PCDHA12: variants seen among roughly 807,000 people sequenced by gnomAD.
PCDHA12 encodes protocadherin alpha-12.
Under a neutral mutation model 60.0 loss-of-function variants are expected in PCDHA12, and 44 were observed. The observed-to-expected ratio is 0.73, with a 90% CI of 0.58 to 0.94. The LOEUF is 0.94. PCDHA12 is among the 40% of genes least tolerant of loss of function. The pLI is 0.00. For synonymous variants in PCDHA12, 569 were observed against 553.0 expected (o/e 1.03, Z -0.40); for missense variants, 1,276 against 1,239.7 (o/e 1.03, Z -0.44).
chr5:140,968,639 G>C (rs1278507600), intron 1 of PCDHA12: 1 of 1,614,032 alleles, frequency 6.2e-7, no homozygotes, highest in Non-Finnish European at 8.5e-7. Flanking sequence ...TTACCATCTA[G>C]CCCAGACTTC....
chr5:140,927,529 C>G, intron 1 of PCDHA12: 2 of 1,614,098 alleles, frequency 1.2e-6, no homozygotes, highest in South Asian at 1.1e-5. Flanking sequence ...GCTACCTGCC[C>G]GCTCAGGAGA....
At chr5:140,919,498 C>A (rs1433099544) in intron 1 of PCDHA12, among the ~76,000 whole-genome samples, 1 of 152,022 alleles carries the variant, frequency 6.6e-6, no homozygotes, top group Non-Finnish European at 1.5e-5. Context: ...TTATTTTACT[C>A]CTTTTTCTAT....
At chr5:140,885,427 G>A (rs1276398573) in intron 1 of PCDHA12, among the ~76,000 whole-genome samples, 1 of 152,092 alleles carries the variant, frequency 6.6e-6, no homozygotes, top group Admixed American at 6.5e-5. Flanking sequence ...ATTCCACAGT[G>A]TAAGTGTGCA....
At chr5:140,927,630 A>C in intron 1 of PCDHA12, 1 of 1,614,182 alleles carries the variant, frequency 6.2e-7, no homozygotes, top group Non-Finnish European at 8.5e-7. Context: ...CAGAGACTGC[A>C]CCCAATGGGA....
At chr5:140,926,789 G>C in intron 1 of PCDHA12, 1 of 1,432,318 alleles carries the variant, frequency 7.0e-7, no homozygotes, top group Non-Finnish European at 9.1e-7. Context: ...CGGCCGGCAG[G>C]AGCGTGCTCT....
At chr5:140,979,243 C>T (rs1554240401) in intron 2 of PCDHA12, among the ~76,000 whole-genome samples, 1 of 152,178 alleles carries the variant, frequency 6.6e-6, no homozygotes, top group Non-Finnish European at 1.5e-5. Context: ...CAGAAACAGG[C>T]TGCTATGTAT....
At chr5:140,892,504 G>A (rs2063551551) in intron 1 of PCDHA12, among the ~76,000 whole-genome samples, 1 of 152,176 alleles carries the variant, frequency 6.6e-6, no homozygotes, top group Non-Finnish European at 1.5e-5. Context: ...TGTTTAAGAA[G>A]TTCCACCATG....
chr5:140,966,410 A>G lies in PCDHA12; in HGVS notation c.2368-12539A>G, dbSNP rs530944149. The G allele has an allele frequency of 1.9e-3, 807 of 419,248 alleles. 2 individuals carry two copies. Among genetic ancestry groups the G allele is most frequent in the South Asian group, 7.3e-3 (70 of 9,536 alleles). The allele number at this position is 419,248 out of a possible 1,614,324, so 26.0% of individuals were successfully genotyped here. The stretch of plus-strand genomic sequence containing the variant: ...GTCCGCCACTTCGGCGCGGAATCAG[A>G]GCAGGACTTGCTGAGCCCTCCTACC... On this transcript the variant is annotated intron_variant, in intron 1 of 3. Coordinates refer to ENST00000398631, the MANE Select transcript of PCDHA12 (RefSeq NM_018903.4).
At chr5:140,976,566 A>C (rs2096723160) in intron 1 of PCDHA12, among the ~76,000 whole-genome samples, 2 of 152,098 alleles carry the variant, frequency 1.3e-5, no homozygotes, top group African/African-American at 4.8e-5. Flanking sequence ...TAAATAAATA[A>C]ATATAAATAA....
intron 1 of PCDHA12, chr5:140,967,137 T>C: frequency 1.2e-6 from 2 of 1,611,728 alleles, no homozygotes; most frequent in Non-Finnish European, 1.7e-6. Context: ...TTGGAAGTGC[T>C]GGCGCACAAC....
intron 1 of PCDHA12, among the ~76,000 whole-genome samples, chr5:140,903,665 G>A (rs2070490056): frequency 6.6e-6 from 1 of 152,156 alleles, no homozygotes; most frequent in African/African-American, 2.4e-5. Context: ...AAATTTAACT[G>A]ATATAAAAGA....
At chr5:140,996,791 A>G (rs2153942087) in intron 3 of PCDHA12, among the ~76,000 whole-genome samples, 1 of 152,316 alleles carries the variant, frequency 6.6e-6, no homozygotes, top group Non-Finnish European at 1.5e-5. Context: ...CTCACTCCCT[A>G]CATCCAATCA....
At chr5:140,917,374 C>T (rs1378508006) in intron 1 of PCDHA12, among the ~76,000 whole-genome samples, 1 of 151,778 alleles carries the variant, frequency 6.6e-6, no homozygotes, top group East Asian at 1.9e-4. Flanking sequence ...CTTGCTCCAC[C>T]TCAATAGTCT....
chr5:140,956,774 C>A (rs1232431991), intron 1 of PCDHA12, among the ~76,000 whole-genome samples: 2 of 152,070 alleles, frequency 1.3e-5, no homozygotes, highest in Non-Finnish European at 2.9e-5. Flanking sequence ...TCTGTCTGGT[C>A]CTGGGCTTTG....
At chr5:140,883,329 C>T (rs1554177701) in intron 1 of PCDHA12, 1 of 1,614,166 alleles carries the variant, frequency 6.2e-7, no homozygotes. Context: ...ACCATCACTT[C>T]TTTGTCACTC....
intron 1 of PCDHA12, among the ~76,000 whole-genome samples, chr5:140,973,960 T>C (rs2096609185): frequency 6.6e-6 from 1 of 152,248 alleles, no homozygotes; most frequent in African/African-American, 2.4e-5. Flanking sequence ...TTTACAGGTG[T>C]CTTTAAATGT....
At chr5:141,006,073 T>G (rs2098254106) in intron 3 of PCDHA12, among the ~76,000 whole-genome samples, 1 of 151,712 alleles carries the variant, frequency 6.6e-6, no homozygotes, top group Non-Finnish European at 1.5e-5. Context: ...AAAAATCAGA[T>G]TATTGAAGGG....
intron 1 of PCDHA12, among the ~76,000 whole-genome samples, chr5:140,892,939 C>G (rs1583111138): frequency 6.6e-6 from 1 of 152,188 alleles, no homozygotes; most frequent in Non-Finnish European, 1.5e-5. Context: ...CTGATAAGCA[C>G]AATACTACTT....
intron 3 of PCDHA12, among the ~76,000 whole-genome samples, chr5:140,997,904 A>G (rs1446627520): frequency 6.6e-6 from 1 of 152,224 alleles, no homozygotes; most frequent in Non-Finnish European, 1.5e-5. Flanking sequence ...TTCAAGAAGT[A>G]GAATTACAGA....
Sources: gnomAD v4.1 joint callset for allele counts (sites outside exome capture counted in the v4.1 genomes callset) on GRCh38, gnomAD v4.1.1 for gene constraint, MANE v1.5 for transcripts, NCBI Gene and HGNC (gene_info 2026-07-23, HGNC 2026-07-21) for gene names.